The following LHFPL3 variants were observed in gnomAD, a reference collection of about 807,000 sequenced individuals.
LHFPL3 encodes the protein LHFPL tetraspan subfamily member 3.
LHFPL3 carries 5 observed loss-of-function variants against 19.3 expected under a neutral mutation model. The observed-to-expected ratio is 0.26, with a 90% CI of 0.14 to 0.54. The LOEUF (loss-of-function observed/expected upper bound fraction) is 0.54, where lower values mean the gene tolerates loss of function less well. Ranked by LOEUF, LHFPL3 falls within the 20% of genes least tolerant of loss-of-function variation. The pLI is 0.94. For missense variants in LHFPL3, 249 were observed against 307.4 expected (o/e 0.81, Z 1.42); for synonymous variants, 133 against 126.2 (o/e 1.05, Z -0.36).
At position 104,410,352 on chromosome 7, in the gene LHFPL3, C is replaced by T. The variant is rs370031081; in HGVS notation, c.445+81128C>T. ...TTCACTATGTCAGACAGGCTGGTCT[C>T]GAATTCCTGACCTCAGGTGATCCAC... On this transcript the variant is annotated intron_variant, in intron 1 of 2. Coordinates refer to ENST00000424859, the MANE Select transcript of LHFPL3 (RefSeq NM_199000.3). Among the ~76,000 whole-genome samples, 3 of 152,118 alleles carry T rather than the reference C, an allele frequency of 2.0e-5. No homozygotes were observed. The South Asian group carries it at 6.2e-4, about 31-fold the overall frequency.
In LHFPL3 at chr7:104,406,200, G is replaced by A. The variant is rs1417652601; in HGVS notation, c.445+76976G>A. ...AGCTTCCTGGTGAGCTGGGATCCAC[G>A]AATGAGGTGTAATTGTGCTCCAGGT... On this transcript the variant is annotated intron_variant, in intron 1 of 2. Coordinates refer to ENST00000424859, the MANE Select transcript of LHFPL3 (RefSeq NM_199000.3). Among the ~76,000 whole-genome samples, 5 of 152,172 alleles carry A rather than the reference G, an allele frequency of 3.3e-5. No individual in the cohort carries two copies. The East Asian group carries it at 5.8e-4, about 18-fold the overall frequency.
At chr7:104,844,510 T>C (rs1791275785) in intron 2 of LHFPL3, among the ~76,000 whole-genome samples, 2 of 152,248 alleles carry the variant, frequency 1.3e-5, no homozygotes, top group Admixed American at 1.3e-4. Context: ...ACTATTGCTC[T>C]ATCCATGTGT....
At chr7:104,811,139 CCTTT>C (rs1474168045) in intron 2 of LHFPL3, among the ~76,000 whole-genome samples, 5 of 88,880 alleles carry the variant, frequency 5.6e-5, no homozygotes, top group East Asian at 3.7e-4. Flanking sequence ...CTCTTTCCTT[CCTTT>C]CTTTCTTTTT....
intron 1 of LHFPL3, among the ~76,000 whole-genome samples, chr7:104,635,278 T>C (rs1180834050): frequency 6.6e-6 from 1 of 152,104 alleles, no homozygotes; most frequent in Non-Finnish European, 1.5e-5. Context: ...TTTAAATAAA[T>C]GAAAGATAAC....
chr7:104,614,684 T>TTCCTTCCTTCCTTCCTTCCTTCCTTCC, intron 1 of LHFPL3, among the ~76,000 whole-genome samples: 1 of 41,936 alleles, frequency 2.4e-5, no homozygotes, highest in Admixed American at 2.7e-4. Flanking sequence ...TCCTTCCTTC[T>TTCCTTCCTTCCTTCCTTCCTTCCTTCC]TTCTTTCTTT....
intron 1 of LHFPL3, among the ~76,000 whole-genome samples, chr7:104,435,308 A>AATT (rs1562896753): frequency 1.3e-5 from 2 of 151,680 alleles, no homozygotes; most frequent in East Asian, 3.9e-4. Context: ...ATGCCTGGCT[A>AATT]ATTATTATTA....
intron 2 of LHFPL3, among the ~76,000 whole-genome samples, chr7:104,873,001 C>G (rs1406322650): frequency 6.6e-6 from 1 of 152,206 alleles, no homozygotes; most frequent in Non-Finnish European, 1.5e-5. Context: ...TCTCCACAGA[C>G]AGGGAGGTAA....
intron 1 of LHFPL3, among the ~76,000 whole-genome samples, chr7:104,467,956 G>T (rs2115601718): frequency 6.6e-6 from 1 of 152,270 alleles, no homozygotes; most frequent in Non-Finnish European, 1.5e-5. Context: ...TACGTTAGAA[G>T]TATGGGTTAG....
At chr7:104,754,168 G>A (rs896671341) in intron 2 of LHFPL3, among the ~76,000 whole-genome samples, 3 of 152,004 alleles carry the variant, frequency 2.0e-5, no homozygotes, top group Non-Finnish European at 4.4e-5. Flanking sequence ...CAGGTAAGAG[G>A]CAACAAATTA....
At chr7:104,598,987 A>AT (rs1790915545) in intron 1 of LHFPL3, among the ~76,000 whole-genome samples, 1 of 152,210 alleles carries the variant, frequency 6.6e-6, no homozygotes, top group Non-Finnish European at 1.5e-5. Flanking sequence ...TAAAGTTTAC[A>AT]TTTTTAATTT....
chr7:104,526,574 TGACA>T (rs1424782842), intron 1 of LHFPL3, among the ~76,000 whole-genome samples: 1 of 152,230 alleles, frequency 6.6e-6, no homozygotes, highest in Non-Finnish European at 1.5e-5. Context: ...TCCATTGCTG[TGACA>T]TACCTCTTAG....
chr7:104,872,362 AGGCGAGGCACAGT>A (rs1347377503), intron 2 of LHFPL3, among the ~76,000 whole-genome samples: 1 of 148,112 alleles, frequency 6.8e-6, no homozygotes, highest in East Asian at 2.0e-4. Flanking sequence ...AGTAAGACAC[AGGCGAGGCACAGT>A]GGCTCACGCC....
chr7:104,717,086 G>A (rs953161049), intron 1 of LHFPL3, among the ~76,000 whole-genome samples: 2 of 152,018 alleles, frequency 1.3e-5, no homozygotes, highest in Non-Finnish European at 2.9e-5. Context: ...ATGATGTTGG[G>A]TAAACCAGAT....
intron 1 of LHFPL3, among the ~76,000 whole-genome samples, chr7:104,350,679 T>C (rs747338696): frequency 6.6e-6 from 1 of 152,106 alleles, no homozygotes; most frequent in Non-Finnish European, 1.5e-5. Context: ...AAACAAGTAA[T>C]TAAATATATA....
intron 1 of LHFPL3, among the ~76,000 whole-genome samples, chr7:104,596,004 C>T (rs547507473): frequency 1.3e-5 from 2 of 152,354 alleles, no homozygotes; most frequent in Admixed American, 6.5e-5. Flanking sequence ...CCCCCCAACC[C>T]CTTGTGCTTC....
intron 1 of LHFPL3, among the ~76,000 whole-genome samples, chr7:104,352,168 A>G (rs1790190336): frequency 6.6e-6 from 1 of 151,242 alleles, no homozygotes; most frequent in Admixed American, 6.6e-5. Context: ...CTGTATAAAA[A>G]AAAAAAAAAT....
intron 1 of LHFPL3, among the ~76,000 whole-genome samples, chr7:104,580,864 C>T (rs1203373291): frequency 5.3e-5 from 8 of 151,936 alleles, no homozygotes; most frequent in Admixed American, 5.3e-4. Flanking sequence ...TTGCATGTAT[C>T]ACAATTATTT....
chr7:104,523,742 C>T (rs999246768), intron 1 of LHFPL3, among the ~76,000 whole-genome samples: 1 of 152,198 alleles, frequency 6.6e-6, no homozygotes, highest in Non-Finnish European at 1.5e-5. Flanking sequence ...GCAACAGTAA[C>T]AGCAACACAA....
intron 1 of LHFPL3, among the ~76,000 whole-genome samples, chr7:104,661,715 T>C (rs2115989723): frequency 6.6e-6 from 1 of 152,350 alleles, no homozygotes; most frequent in South Asian, 2.1e-4. Flanking sequence ...CAGAAATTTC[T>C]TCTTCCTTCT....
Sources: gnomAD v4.1 joint callset for allele counts (sites outside exome capture counted in the v4.1 genomes callset) on GRCh38, gnomAD v4.1.1 for gene constraint, MANE v1.5 for transcripts, NCBI Gene and HGNC (gene_info 2026-07-23, HGNC 2026-07-21) for gene names.